The following CLIC5 variants were observed in gnomAD, a reference collection of about 807,000 sequenced individuals.
CLIC5 encodes the protein CLIC family member 5.
Under a neutral mutation model 24.7 loss-of-function variants are expected in CLIC5, and 20 were observed. The observed-to-expected ratio is 0.81, with a 90% CI of 0.57 to 1.18. CLIC5 has a LOEUF of 1.18. CLIC5 is among the 50% of genes most tolerant of loss of function. The pLI, the probability that CLIC5 is intolerant of heterozygous loss-of-function variation, is 0.00. For synonymous variants in CLIC5, 159 were observed against 135.6 expected, an observed-to-expected ratio of 1.17 and a Z score of -1.20; for missense variants, 341 against 326.1, an observed-to-expected ratio of 1.05 and a Z score of -0.35.
chr6:46,089,649 A>G, the CLIC5 span, among the ~76,000 whole-genome samples: 6,314 of 152,218 alleles, frequency 0.041, 358 homozygotes, highest in African/African-American at 0.13. Flanking sequence ...AAAATCTTGA[A>G]GCCTGGCAGA....
At chr6:46,015,020 G>T (rs1167188052) in intron 1 of CLIC5, among the ~76,000 whole-genome samples, 2 of 152,226 alleles carry the variant, frequency 1.3e-5, no homozygotes, top group Non-Finnish European at 2.9e-5. Context: ...GAGAGAAAGA[G>T]AATTTTAAGA....
At chr6:46,085,457 G>A in the CLIC5 span, among the ~76,000 whole-genome samples, 2 of 152,112 alleles carry the variant, frequency 1.3e-5, no homozygotes, top group African/African-American at 4.8e-5. Context: ...TTTTTGGTGT[G>A]GATGTCCTTT....
intron 1 of CLIC5, among the ~76,000 whole-genome samples, chr6:45,970,350 G>A (rs763070597): frequency 6.6e-6 from 1 of 151,980 alleles, no homozygotes; most frequent in African/African-American, 2.4e-5. Context: ...ACCCAATTTC[G>A]TTTTCTCAGC....
intron 1 of CLIC5, among the ~76,000 whole-genome samples, chr6:46,047,355 C>T (rs1379375990): frequency 2.6e-5 from 4 of 152,204 alleles, no homozygotes; most frequent in African/African-American, 9.7e-5. Flanking sequence ...TGACTTCACT[C>T]AGGTCATGAC....
intron 1 of CLIC5, among the ~76,000 whole-genome samples, chr6:45,961,345 C>T (rs1477558785): frequency 6.6e-6 from 1 of 152,190 alleles, no homozygotes; most frequent in Non-Finnish European, 1.5e-5. Flanking sequence ...TACTCCAGTT[C>T]TTTCTTTTTA....
chr6:46,074,963 C>T (rs141843256), intron 1 of CLIC5, among the ~76,000 whole-genome samples: 9 of 152,326 alleles, frequency 5.9e-5, no homozygotes, highest in African/African-American at 1.9e-4. Flanking sequence ...GTTTGAAAAA[C>T]CCAGTAGGAT....
chr6:46,049,545 G>C (rs1361856699), intron 1 of CLIC5, among the ~76,000 whole-genome samples: 1 of 152,154 alleles, frequency 6.6e-6, no homozygotes, highest in East Asian at 1.9e-4. Flanking sequence ...GTATCACATA[G>C]TTAAAAATAC....
chr6:46,015,880 C>A, upstream of CLIC5: 2 of 1,052,882 alleles, frequency 1.9e-6, no homozygotes, highest in Non-Finnish European at 2.3e-6. Flanking sequence ...GCCGCCAACG[C>A]GCCCAAAATA....
At chr6:45,933,172 A>C (rs1272334063) in intron 4 of CLIC5, among the ~76,000 whole-genome samples, 1 of 152,186 alleles carries the variant, frequency 6.6e-6, no homozygotes, top group African/African-American at 2.4e-5. Context: ...TGGAAACAGA[A>C]CCAAGACTGC....
intron 6 of CLIC5, chr6:45,892,250 G>C (rs186344013): frequency 6.6e-6 from 1 of 152,126 alleles, no homozygotes; most frequent in African/African-American, 2.4e-5. Flanking sequence ...TAAGAAAATA[G>C]ATATGGTACA....
At chr6:45,895,700 A>G (rs148344167), downstream of CLIC5, among the ~76,000 whole-genome samples, 280 of 152,328 alleles carry the variant, frequency 1.8e-3, no homozygotes, top group Middle Eastern at 6.8e-3. Flanking sequence ...AAAATTGAAT[A>G]ACCTACGCTC....
intron 1 of CLIC5, among the ~76,000 whole-genome samples, chr6:46,027,800 A>G (rs1331803681): frequency 6.6e-6 from 1 of 152,192 alleles, no homozygotes; most frequent in Non-Finnish European, 1.5e-5. Context: ...GGCAGCAACT[A>G]CAGAAGGCCA....
chr6:45,983,612 A>C (rs3777601), intron 1 of CLIC5, among the ~76,000 whole-genome samples: 84,030 of 151,998 alleles, frequency 0.55, 25,007 homozygotes, highest in Admixed American at 0.69. Context: ...ACTGGCTGGC[A>C]TGTAGGCAAC....
rs1490140810 is a variant in CLIC5 at position 45,980,105 on chromosome 6, ATCT to A, written c.64-24864_64-24862del. ...GGTGAAAGGTAGGGGTTGAGTTTCA[ATCT>A]TCTGCATATGGCCAGCCTGTTATCC... On this transcript the variant is annotated intron_variant, in intron 1 of 5. Coordinates refer to ENST00000339561, the MANE Select transcript of CLIC5 (RefSeq NM_016929.5). Among the ~76,000 whole-genome samples, 8 of 152,102 alleles carry A rather than the reference ATCT, an allele frequency of 5.3e-5. No individual in the cohort carries two copies. In the East Asian group the frequency reaches 1.5e-3, roughly 29 times the overall value.
At chr6:46,020,949 A>G (rs147908022) in intron 1 of CLIC5, among the ~76,000 whole-genome samples, 49 of 152,114 alleles carry the variant, frequency 3.2e-4, no homozygotes, top group African/African-American at 1.2e-3. Context: ...AGAAAACTAC[A>G]GCCCCATATA....
chr6:46,033,239 G>A (rs1430083341), intron 1 of CLIC5, among the ~76,000 whole-genome samples: 8 of 150,648 alleles, frequency 5.3e-5, no homozygotes, highest in Admixed American at 3.3e-4. Context: ...CGCCCGCCTC[G>A]GCCTCCCAAA....
intron 6 of CLIC5, among the ~76,000 whole-genome samples, chr6:45,892,388 G>A (rs747340302): frequency 1.3e-5 from 2 of 152,218 alleles, no homozygotes; most frequent in African/African-American, 4.8e-5. Context: ...GTTTTGCACC[G>A]GGAGAGGTGA....
chr6:46,040,990 G>A (rs903119627), intron 1 of CLIC5, among the ~76,000 whole-genome samples: 15 of 152,142 alleles, frequency 9.9e-5, no homozygotes, highest in African/African-American at 3.6e-4. Flanking sequence ...TCTGTAAATA[G>A]TATAGCAGTG....
chr6:46,070,360 G>C (rs916841959), intron 1 of CLIC5, among the ~76,000 whole-genome samples: 40 of 152,244 alleles, frequency 2.6e-4, no homozygotes, highest in African/African-American at 9.1e-4. Context: ...AAGCTAGTAA[G>C]CAACTTCAGT....
Sources: allele counts gnomAD v4.1 joint callset (sites outside exome capture counted in the v4.1 genomes callset), GRCh38; gene constraint gnomAD v4.1.1; transcripts MANE v1.5; gene names NCBI Gene and HGNC (gene_info 2026-07-23, HGNC 2026-07-21).